The following STAT4 variants were observed in gnomAD, a reference collection of about 807,000 sequenced individuals.
STAT4 encodes the protein signal transducer and activator of transcription 4.
STAT4 carries 42 observed loss-of-function variants against 110.5 expected under a neutral mutation model. The ratio of observed to expected loss-of-function variants is 0.38; its 90% CI spans 0.30 to 0.49. STAT4 has a LOEUF of 0.49. Among genes scored for constraint, STAT4 ranks in the 20% least tolerant of loss-of-function variants. The probability of loss-of-function intolerance (pLI) is 0.95; values close to 1 mark genes in which losing one functional copy is unlikely to be tolerated. For synonymous variants in STAT4, 284 were observed against 302.2 expected (o/e 0.94, Z 0.63); for missense variants, 632 against 887.9 (o/e 0.71, Z 3.66).
In STAT4 at chr2:191,110,958, G is replaced by T. The variant is rs1224336655; in HGVS notation, c.274-34633C>A. Among the ~76,000 whole-genome samples, 2 of 152,084 alleles carry T rather than the reference G, an allele frequency of 1.3e-5. No individual in the cohort carries two copies. The highest frequency in any genetic ancestry group is 4.8e-5 in the African/African-American group (2 of 41,500). On this transcript the variant is annotated intron_variant, in intron 3 of 23. Transcript: ENST00000392320. The surrounding 1 kb of genome is among the most constrained non-coding windows in gnomAD (Gnocchi z 4.5). ...GACACCAGGCCCAGCGAATTTTTCT[G>T]TATTTTTAGTAGAGACAAGGTTTCA... is the stretch of plus-strand genomic sequence containing the variant.
Position 191,124,348 on chromosome 2 carries a change from G to A in STAT4, c.273+22265C>T, listed in dbSNP as rs1461876452. On this transcript the variant is annotated intron_variant, in intron 3 of 23. Transcript: ENST00000392320. The stretch of plus-strand genomic sequence containing the variant: ...TGCATGCCTGTAGTCCCAGCTACTC[G>A]GGAGGCTGAGGCAGGAGAATCACTT... 2.6e-5 allele frequency among the ~76,000 whole-genome samples: 4 copies of A among 151,462 alleles called. No individual in the cohort carries two copies. The East Asian group carries it at 5.8e-4, about 22-fold the overall frequency.
intron 5 of STAT4, 76 bp downstream of exon 5, chr2:191,073,022 G>T: frequency 8.6e-7 from 1 of 1,163,570 alleles, no homozygotes; most frequent in Non-Finnish European, 1.2e-6. Flanking sequence ...ATTAACTTTG[G>T]GTGCATGGGA....
chr2:191,036,241 A>G lies in STAT4; in HGVS notation c.1493T>C (p.Met498Thr), dbSNP rs1484618473. The G allele has an allele frequency of 3.7e-6, 6 of 1,614,190 alleles. No homozygotes were observed. The highest frequency in any genetic ancestry group is 4.2e-6 in the Non-Finnish European group (5 of 1,180,030). The change falls in exon 17 of 24, where the codon ATG becomes ACG. Residue 498 changes from methionine (M) to threonine (T), a missense_variant. Physicochemically the swap from Met to Thr is moderately conservative, Grantham distance 81 (BLOSUM62 -1). This residue lies in a region of STAT4 where 488 missense variants were observed against 632.8 expected (regional missense o/e 0.77). Transcript: ENST00000392320. ...AACGTACGATGAAAACTGCCAGCTC[A>G]TCACCTCCAGTAGTTGACTCAATGT... The part of the protein sequence containing the change: ...PATLSQLLEV[M>T]SWQFSSYVGR...
At chr2:191,123,993 T>G (rs1394529994) in intron 3 of STAT4, among the ~76,000 whole-genome samples, 1 of 152,210 alleles carries the variant, frequency 6.6e-6, no homozygotes, top group Non-Finnish European at 1.5e-5. Flanking sequence ...CCTTCCATCC[T>G]TAGAAACTGC....
At chr2:191,102,528 T>G (rs1341738137) in intron 3 of STAT4, among the ~76,000 whole-genome samples, 1 of 152,198 alleles carries the variant, frequency 6.6e-6, no homozygotes, top group Non-Finnish European at 1.5e-5. Flanking sequence ...CTCCTCCCGC[T>G]GTGGGCTACT....
At chr2:191,055,648 C>A (rs1696669547) in intron 13 of STAT4, among the ~76,000 whole-genome samples, 1 of 152,138 alleles carries the variant, frequency 6.6e-6, no homozygotes, top group Non-Finnish European at 1.5e-5. Flanking sequence ...CCACCACGCC[C>A]AGCTGATTTT....
chr2:191,081,946 T>C (rs575799347), intron 3 of STAT4, among the ~76,000 whole-genome samples: 2 of 152,318 alleles, frequency 1.3e-5, no homozygotes, highest in African/African-American at 2.4e-5. Flanking sequence ...AAGTTAAGTG[T>C]ACCCTGCTCA....
rs1457373645 is a variant in STAT4 at position 191,053,988 on chromosome 2, T to A, written c.1251+502A>T. 1.3e-5 allele frequency among the ~76,000 whole-genome samples: 2 copies of A among 151,750 alleles called. No individual in the cohort carries two copies. Among genetic ancestry groups the A allele is most frequent in the South Asian group, 2.1e-4 (1 of 4,814 alleles). ...ACGAAAAATACAAAAACTAGCCAGG[T>A]ATGGTGGCACATGCCTATAGTCCCA... is the stretch of plus-strand genomic sequence containing the variant. On this transcript the variant is annotated intron_variant, in intron 14 of 23. Transcript: ENST00000392320. The surrounding 1 kb of genome is among the most constrained non-coding windows in gnomAD (Gnocchi z 4.5).
chr2:191,045,423 GT>G (rs1002652685), intron 14 of STAT4, among the ~76,000 whole-genome samples: 5 of 152,124 alleles, frequency 3.3e-5, no homozygotes, highest in Non-Finnish European at 7.4e-5. Context: ...TCCTCATTGT[GT>G]TTAATCTCAA....
rs1697539046 is a variant in STAT4, at chr2:191,083,269, AT to A, written c.274-6945del. ...AGCCAGTAAGGGTGTGCTGTTAGCC[AT>A]TTGCTAAGATGGGCTGAGAACCCTT... On this transcript the variant is annotated intron_variant, in intron 3 of 23. Transcript: ENST00000392320. The surrounding 1 kb of genome is among the most constrained non-coding windows in gnomAD (Gnocchi z 4.6). Among the ~76,000 whole-genome samples the A allele has an allele frequency of 6.6e-6, 1 of 152,202 alleles. No homozygotes were observed. The highest frequency in any genetic ancestry group is 1.5e-5 in the Non-Finnish European group (1 of 68,036).
At chr2:191,055,840 C>A (rs1007941482) in intron 13 of STAT4, among the ~76,000 whole-genome samples, 2 of 152,102 alleles carry the variant, frequency 1.3e-5, no homozygotes, top group African/African-American at 4.8e-5. Context: ...CTTCCTTTTC[C>A]ATGTGACTTT....
rs1422764697 is a variant in STAT4, at chr2:191,110,042, G to A, written c.274-33717C>T. Among the ~76,000 whole-genome samples, 3 of 152,134 alleles carry A rather than the reference G, an allele frequency of 2.0e-5. No individual in the cohort carries two copies. Among genetic ancestry groups the A allele is most frequent in the African/African-American group, 7.2e-5 (3 of 41,410 alleles). On this transcript the variant is annotated intron_variant, in intron 3 of 23. Transcript: ENST00000392320. The surrounding 1 kb of genome is among the most constrained non-coding windows in gnomAD (Gnocchi z 4.5). ...AAACTCCTGGTTTCCAATATGAGTT[G>A]TCACCTCCCACCTAGGATCCAACCA...
chr2:191,036,791 G>T (rs981355757), intron 16 of STAT4, among the ~76,000 whole-genome samples: 1 of 152,206 alleles, frequency 6.6e-6, no homozygotes, highest in Non-Finnish European at 1.5e-5. Context: ...GGCAAGAATT[G>T]AGGTTGCTGC....
intron 3 of STAT4, among the ~76,000 whole-genome samples, chr2:191,136,023 C>CAAAAAAAAAAAAAAAAAAAAAAAA (rs1491100052): frequency 3.4e-5 from 1 of 29,130 alleles, no homozygotes. Flanking sequence ...AAAAAAAAAA[C>CAAAAAAAAAAAAAAAAAAAAAAAA]CAAAAAACAA....
chr2:191,072,999 G>T, intron 5 of STAT4, 99 bp downstream of exon 5: 2 of 857,144 alleles, frequency 2.3e-6, no homozygotes, highest in South Asian at 4.1e-5. Context: ...ATTGCCCTAT[G>T]ATTTCTGTAT....
Position 191,117,411 on chromosome 2 carries a change from C to T in STAT4, c.273+29202G>A, listed in dbSNP as rs146384986. ...ATTGCATGATTATCTTCCAGAACATCCTCGGGCATTTCTTCTTGTCCTAAA... is the reference window on the plus strand; with the variant it reads ...ATTGCATGATTATCTTCCAGAACATTCTCGGGCATTTCTTCTTGTCCTAAA... On this transcript the variant is annotated intron_variant, in intron 3 of 23. Transcript: ENST00000392320. This position sits in a 1 kb window ranked among gnomAD's most constrained non-coding sequence, Gnocchi z 5.2. 1.6e-3 allele frequency among the ~76,000 whole-genome samples: 249 copies of T among 152,326 alleles called. 1 individual carries two copies. Among genetic ancestry groups the T allele is most frequent in the African/African-American group, 5.8e-3 (240 of 41,570 alleles).
Position 191,143,792 on chromosome 2 carries a change from AT to A in STAT4, c.273+2820del, listed in dbSNP as rs59457639. ...AGCGTCAACAGCCTTTTGATAGGGAATTTTTTTTTTCTTTTTTGTGGGGAAG... is the reference window on the plus strand; with the variant it reads ...AGCGTCAACAGCCTTTTGATAGGGAATTTTTTTTTCTTTTTTGTGGGGAAG... On this transcript the variant is annotated intron_variant, in intron 3 of 23. Transcript: ENST00000392320. This position sits in a 1 kb window ranked among gnomAD's most constrained non-coding sequence, Gnocchi z 5.6. Among the ~76,000 whole-genome samples the A allele has an allele frequency of 3.8e-4, 57 of 150,734 alleles. No individual in the cohort carries two copies. In the East Asian group the frequency reaches 5.1e-3, roughly 13 times the overall value.
chr2:191,057,765 A>T (rs1480765647), intron 13 of STAT4, among the ~76,000 whole-genome samples: 3 of 151,176 alleles, frequency 2.0e-5, no homozygotes, highest in Non-Finnish European at 4.4e-5. Context: ...TGCCTGGCTA[A>T]TTTTTTGTAT....
intron 17 of STAT4, among the ~76,000 whole-genome samples, chr2:191,034,855 T>C (rs1190294223): frequency 6.6e-6 from 1 of 152,150 alleles, no homozygotes; most frequent in East Asian, 1.9e-4. Context: ...CTAGGATATG[T>C]ATGGGTAGAA....
Sources: allele counts gnomAD v4.1 joint callset (sites outside exome capture counted in the v4.1 genomes callset), GRCh38; gene constraint gnomAD v4.1.1; regional missense constraint gnomAD v4.1.1; non-coding constraint Gnocchi (gnomAD v3.1); transcripts MANE v1.5; gene names NCBI Gene and HGNC (gene_info 2026-07-23, HGNC 2026-07-21).